Variants in LIMCH1 observed in about 807,000 individuals in gnomAD.
LIMCH1 encodes the protein LIM and calponin homology domains-containing protein 1.
In LIMCH1, 113 loss-of-function variants were observed where a neutral mutation model predicts 176.5. The observed-to-expected ratio is 0.64, with a 90% CI of 0.55 to 0.75. The LOEUF (loss-of-function observed/expected upper bound fraction) is 0.75, where lower values mean the gene tolerates loss of function less well. Among genes scored for constraint, LIMCH1 ranks in the 30% least tolerant of loss-of-function variants. The pLI, the probability that LIMCH1 is intolerant of heterozygous loss-of-function variation, is 0.00. For missense variants in LIMCH1, 1,674 were observed against 1,814.9 expected (o/e 0.92, Z 1.41); for synonymous variants, 619 against 645.9 (o/e 0.96, Z 0.63).
At chr4:41,612,409 A>G (rs2091536158) in intron 4 of LIMCH1, 1 of 615,548 alleles carries the variant, frequency 1.6e-6, no homozygotes. Flanking sequence ...GCAGTGTGGC[A>G]TTCCAGTCTT....
At chr4:41,648,668 TGTG>T (rs1415511000) in intron 17 of LIMCH1, among the ~76,000 whole-genome samples, 9 of 149,262 alleles carry the variant, frequency 6.0e-5, no homozygotes, top group African/African-American at 2.2e-4. Context: ...GGTGTGTGTG[TGTG>T]TGTGTGTGTG....
intron 21 of LIMCH1, chr4:41,671,048 C>G: frequency 1.1e-6 from 1 of 894,562 alleles, no homozygotes; most frequent in Non-Finnish European, 1.3e-6. Flanking sequence ...TCTTGAGAGT[C>G]CCCTGCCTTT....
chr4:41,617,691 A>C (rs969122055), intron 5 of LIMCH1, among the ~76,000 whole-genome samples: 18 of 152,238 alleles, frequency 1.2e-4, no homozygotes, highest in African/African-American at 4.3e-4. Flanking sequence ...CAACTTGTTT[A>C]TGGTCAATGC....
intron 1 of LIMCH1, among the ~76,000 whole-genome samples, chr4:41,383,399 T>C (rs918686336): frequency 1.8e-4 from 27 of 152,158 alleles, no homozygotes; most frequent in Non-Finnish European, 1.0e-4. Context: ...TGGGTGCCAG[T>C]GAAGACCTCA....
In LIMCH1 at chr4:41,611,240, A is replaced by C. The variant is rs546417521; in HGVS notation, c.10-2226A>C. Among the ~76,000 whole-genome samples, 13 of 152,340 alleles carry C rather than the reference A, an allele frequency of 8.5e-5. No individual in the cohort carries two copies. In the East Asian group the frequency reaches 2.5e-3, roughly 29 times the overall value. ...GTCACATGCTGTACAGCTTTGCAGC[A>C]TAGGAACAATGAGCTGTACATATAG... On this transcript the variant is annotated intron_variant, in intron 4 of 31. Coordinates refer to ENST00000503057, the MANE Select transcript of LIMCH1 (RefSeq NM_001330672.2).
chr4:41,377,583 G>C (rs1325103793), intron 1 of LIMCH1, among the ~76,000 whole-genome samples: 1 of 152,184 alleles, frequency 6.6e-6, no homozygotes, highest in Non-Finnish European at 1.5e-5. Context: ...TGGGCATTGG[G>C]TTCCTTGGTG....
chr4:41,419,670 TTCCTTCCTTCC>T lies in LIMCH1; in HGVS notation c.96+58747_96+58757del, dbSNP rs1561311988. Among the ~76,000 whole-genome samples the T allele has an allele frequency of 3.0e-3, 213 of 70,120 alleles. 3 individuals carry two copies. Among genetic ancestry groups the T allele is most frequent in the South Asian group, 0.027 (45 of 1,680 alleles). The allele number at this position is 70,120 out of a possible 152,430, so 46.0% of individuals were successfully genotyped here. On this transcript the variant is annotated intron_variant, in intron 1 of 26. Transcript: ENST00000313860. ...TCTTCCTCCTTCCTTCCTTCCTTCC[TTCCTTCCTTCC>T]TCCTTCCTTCCTTCCTTCCTTCCTT... is the stretch of plus-strand genomic sequence containing the variant.
chr4:41,449,044 C>T (rs1303388123), intron 1 of LIMCH1, among the ~76,000 whole-genome samples: 3 of 152,068 alleles, frequency 2.0e-5, no homozygotes, highest in Admixed American at 2.0e-4. Flanking sequence ...GGTATTTTCT[C>T]CACACGCCCC....
At chr4:41,420,200 TG>T (rs1187533120) in intron 1 of LIMCH1, among the ~76,000 whole-genome samples, 2 of 152,140 alleles carry the variant, frequency 1.3e-5, no homozygotes, top group Non-Finnish European at 2.9e-5. Context: ...TGGTGGCAGG[TG>T]GGGCAGGATG....
At chr4:41,441,593 CA>C (rs1200777245) in intron 1 of LIMCH1, among the ~76,000 whole-genome samples, 1 of 152,100 alleles carries the variant, frequency 6.6e-6, no homozygotes, top group African/African-American at 2.4e-5. Flanking sequence ...ATTTGGAAAA[CA>C]AATTAGAAAC....
intron 1 of LIMCH1, among the ~76,000 whole-genome samples, chr4:41,558,152 G>A (rs1021336475): frequency 3.9e-5 from 6 of 152,016 alleles, no homozygotes; most frequent in African/African-American, 1.2e-4. Context: ...CATAAACGGT[G>A]TGTGCTGTGC....
intron 1 of LIMCH1, among the ~76,000 whole-genome samples, chr4:41,411,406 C>T (rs1378199644): frequency 6.6e-6 from 1 of 152,136 alleles, no homozygotes; most frequent in Non-Finnish European, 1.5e-5. Context: ...CAAGGTCTCA[C>T]TATGTTGCTT....
At chr4:41,565,429 TTAAA>T (rs1387720878) in intron 1 of LIMCH1, among the ~76,000 whole-genome samples, 7 of 138,186 alleles carry the variant, frequency 5.1e-5, no homozygotes, top group Admixed American at 1.4e-4. Context: ...ATATGATAAA[TTAAA>T]TAAATATATG....
intron 1 of LIMCH1, among the ~76,000 whole-genome samples, chr4:41,554,157 AT>A (rs1411505316): frequency 1.3e-5 from 2 of 152,164 alleles, no homozygotes; most frequent in Non-Finnish European, 2.9e-5. Flanking sequence ...AAAAGGAACT[AT>A]TTTGCTTCCA....
At chr4:41,468,369 C>CT (rs1311121453) in intron 1 of LIMCH1, among the ~76,000 whole-genome samples, 1 of 106,828 alleles carries the variant, frequency 9.4e-6, no homozygotes, top group Non-Finnish European at 2.0e-5. Context: ...CCCTCCCTCC[C>CT]CCTCCTCTCT....
intron 1 of LIMCH1, among the ~76,000 whole-genome samples, chr4:41,363,086 G>C (rs1251896798): frequency 1.3e-5 from 2 of 152,178 alleles, no homozygotes; most frequent in African/African-American, 4.8e-5. Context: ...TATATAAAAA[G>C]GTAATTGCTC....
chr4:41,467,920 A>T (rs775224239), intron 1 of LIMCH1, among the ~76,000 whole-genome samples: 2 of 152,192 alleles, frequency 1.3e-5, no homozygotes, highest in Non-Finnish European at 2.9e-5. Context: ...GCGGGACGCC[A>T]TTCATACAGC....
At chr4:41,620,351 C>A in intron 6 of LIMCH1, 73 bp from the exon 7 acceptor site, 1 of 1,332,534 alleles carries the variant, frequency 7.5e-7, no homozygotes, top group Admixed American at 2.4e-5. Flanking sequence ...ATCAGAATAG[C>A]GGGGAGATGA....
rs747489945 is a variant in LIMCH1 at position 41,644,537 on chromosome 4, G to A, written c.2164G>A (p.Ala722Thr). 1.9e-6 allele frequency: 3 copies of A among 1,596,664 alleles called. No homozygotes were observed. Among genetic ancestry groups the A allele is most frequent in the South Asian group, 1.1e-5 (1 of 87,842 alleles). ...GTTTGACATGCGGTGTGAGGAGGAG[G>A]CCGCGGTGCAGCCGCACAGCAGGGC... ...SMFDMRCEEE[A>T]AVQPHSRARQ... Residue 722 changes from alanine (A) to threonine (T), a missense_variant, in exon 15 of 32, where the codon GCC becomes ACC. Transcript: ENST00000503057.
Sources: gnomAD v4.1 joint callset for allele counts (sites outside exome capture counted in the v4.1 genomes callset) on GRCh38, gnomAD v4.1.1 for gene constraint, MANE v1.5 for transcripts, NCBI Gene and HGNC (gene_info 2026-07-23, HGNC 2026-07-21) for gene names.